Variants in SMPD4 observed in about 807,000 individuals in gnomAD.
The protein encoded by SMPD4 is neutral sphingomyelinase 3.
In SMPD4, 58 loss-of-function variants were observed where a neutral mutation model predicts 97.8. The observed-to-expected ratio is 0.59, with a 90% CI of 0.48 to 0.74. The LOEUF is 0.74. SMPD4 is among the 30% of genes least tolerant of loss of function. The pLI is 0.00. For synonymous variants in SMPD4, 388 were observed against 450.0 expected (o/e 0.86, Z 1.74); for missense variants, 853 against 1,080.5 (o/e 0.79, Z 2.95).
chr2:130,177,107 C>T (rs199754997), intron 1 of SMPD4, among the ~76,000 whole-genome samples: 1 of 137,072 alleles, frequency 7.3e-6, no homozygotes, highest in African/African-American at 2.6e-5. Flanking sequence ...TAGAGACAGG[C>T]TCTTGCTTGC....
intron 8 of SMPD4, among the ~76,000 whole-genome samples, chr2:130,168,089 C>A (rs1192379248): frequency 6.6e-6 from 1 of 152,184 alleles, no homozygotes; most frequent in African/African-American, 2.4e-5. Flanking sequence ...GCCTGTAGTC[C>A]TAGCTACTTA....
At chr2:130,165,817 T>C (rs781348421) in intron 9 of SMPD4, among the ~76,000 whole-genome samples, 1 of 152,164 alleles carries the variant, frequency 6.6e-6, no homozygotes, top group Non-Finnish European at 1.5e-5. Flanking sequence ...AATCCTTTCC[T>C]GCTGGGCCTC....
At chr2:130,155,913 G>A in intron 14 of SMPD4, 122 bp downstream of exon 14, 1 of 923,838 alleles carries the variant, frequency 1.1e-6, no homozygotes, top group Non-Finnish European at 1.7e-6. Context: ...AGGACTTCAG[G>A]AGGCCACGGG....
In SMPD4 at chr2:130,175,071, G is replaced by A. The variant is rs910041878; in HGVS notation, c.40-71C>T. The A allele has an allele frequency of 5.5e-6, 6 of 1,084,908 alleles. No individual in the cohort carries two copies. The African/African-American group carries it at 6.2e-5, about 11-fold the overall frequency. 67.2% of individuals were successfully genotyped at this position (1,084,908 alleles called of 1,614,324 possible). Reference sequence around the variant, plus strand: ...GCAGCTTTTAGTGGCACTCTGGCTTGAGTCAAACAGAAATCCAAGCAATAG... The same window carrying A: ...GCAGCTTTTAGTGGCACTCTGGCTTAAGTCAAACAGAAATCCAAGCAATAG... On this transcript the variant is annotated intron_variant, in intron 2 of 19. Transcript: ENST00000680298.
Position 130,176,562 on chromosome 2 carries a change from A to G in SMPD4, c.31T>C (p.Phe11Leu), listed in dbSNP as rs774988786. ...AAGCAGTTGATATTTACCAGTAGAA[A>G]GCTGGGCTGCTGCAGGTGAGGGAAC... MAFPHLQQPSFLLASLKADSI... is the reference protein window; with the variant it reads MAFPHLQQPSLLLASLKADSI... The change falls in exon 2 of 20, where the codon TTT (phenylalanine) becomes CTT (leucine). Residue 11 changes from phenylalanine (F) to leucine (L), a missense_variant. By Grantham distance (22) the Phe-to-Leu change is conservative (BLOSUM62 0). Around this residue, in one of 3 missense-constraint regions of SMPD4, gnomAD observed 313 missense variants for 402.2 expected, o/e 0.78. Coordinates refer to ENST00000680298, the MANE Select transcript of SMPD4 (RefSeq NM_017951.5). 13 of 1,612,514 alleles carry G rather than the reference A, an allele frequency of 8.1e-6. No individual in the cohort carries two copies. In the South Asian group the frequency reaches 1.3e-4, roughly 16 times the overall value.
chr2:130,160,681 A>AC (rs55882196), intron 11 of SMPD4, among the ~76,000 whole-genome samples: 59,850 of 151,028 alleles, frequency 0.4, 12,056 homozygotes, highest in East Asian at 0.46. Flanking sequence ...GGTCCTTCCC[A>AC]CCCCCTGCCT....
chr2:130,175,258 G>A (rs1688865332), intron 2 of SMPD4, among the ~76,000 whole-genome samples: 1 of 152,158 alleles, frequency 6.6e-6, no homozygotes, highest in Non-Finnish European at 1.5e-5. Flanking sequence ...CACATGATCA[G>A]AACAGGATTG....
At chr2:130,166,431 C>T (rs1687935322) in intron 9 of SMPD4, among the ~76,000 whole-genome samples, 1 of 152,068 alleles carries the variant, frequency 6.6e-6, no homozygotes, top group Admixed American at 6.6e-5. Context: ...AGCCTACGGT[C>T]CACACAGCCA....
At chr2:130,168,614 G>C (rs1485835697) in intron 8 of SMPD4, among the ~76,000 whole-genome samples, 2 of 151,744 alleles carry the variant, frequency 1.3e-5, no homozygotes, top group Non-Finnish European at 2.9e-5. Flanking sequence ...CAACCTCCTA[G>C]ACTTAGGCCT....
chr2:130,155,855 G>C (rs1686729588), intron 14 of SMPD4, among the ~76,000 whole-genome samples, 180 bp downstream of exon 14: 1 of 152,146 alleles, frequency 6.6e-6, no homozygotes, highest in Non-Finnish European at 1.5e-5. Flanking sequence ...TGGCAAAGTT[G>C]AGCCTAGGAA....
At chr2:130,160,839 T>C (rs558019039) in intron 11 of SMPD4, among the ~76,000 whole-genome samples, 1 of 152,292 alleles carries the variant, frequency 6.6e-6, no homozygotes, top group Admixed American at 6.5e-5. Flanking sequence ...ACCCAGCCAC[T>C]GCTGAGGCCT....
At chr2:130,155,934 A>T in intron 14 of SMPD4, 101 bp downstream of exon 14, 1 of 1,235,556 alleles carries the variant, frequency 8.1e-7, no homozygotes. Context: ...GGCCAGGGCC[A>T]GGCTGACCCC....
At position 130,152,033 on chromosome 2, in the gene SMPD4, C is replaced by T. The variant is rs1389730999; in HGVS notation, c.*522G>A. ...AAGAACGCCCCTCACAGTGAAGAATCAGGACAGCCACTCTCTGGTTTTCTC... is the reference window on the plus strand; with the variant it reads ...AAGAACGCCCCTCACAGTGAAGAATTAGGACAGCCACTCTCTGGTTTTCTC... On this transcript the variant is annotated 3_prime_UTR_variant, in exon 20 of 20. Transcript: ENST00000680298. 1.3e-5 allele frequency: 2 copies of T among 154,060 alleles called. No homozygotes were observed. The highest frequency in any genetic ancestry group is 1.3e-4 in the Admixed American group (2 of 15,482). 9.5% of individuals were successfully genotyped at this position (154,060 alleles called of 1,614,324 possible). A position where few individuals can be genotyped will look rare whatever the true frequency, so the allele number is the denominator to read the frequency against.
intron 18 of SMPD4, 25 bp downstream of exon 18, chr2:130,153,294 C>A: frequency 6.2e-7 from 1 of 1,613,378 alleles, no homozygotes; most frequent in South Asian, 1.1e-5. Flanking sequence ...CCAGCCTGTG[C>A]GCCTCTGAGA....
chr2:130,157,080 G>A (rs893575683), intron 12 of SMPD4, among the ~76,000 whole-genome samples, 171 bp downstream of exon 12: 4 of 152,072 alleles, frequency 2.6e-5, no homozygotes, highest in Admixed American at 1.3e-4. Context: ...CCAACTGGGC[G>A]GGGTGAGAGG....
chr2:130,159,063 C>T (rs1392235721), intron 11 of SMPD4, among the ~76,000 whole-genome samples: 1 of 152,002 alleles, frequency 6.6e-6, no homozygotes, highest in Non-Finnish European at 1.5e-5. Flanking sequence ...GTCGTGGTCT[C>T]GGCTCACTGC....
At chr2:130,181,486 C>G in intron 1 of SMPD4, 44 bp downstream of exon 1, 3 of 1,566,868 alleles carry the variant, frequency 1.9e-6, no homozygotes, top group Non-Finnish European at 2.6e-6. Flanking sequence ...GGGGAAGCCC[C>G]CAGGGCGCCG....
At chr2:130,158,406 C>A (rs1484880555) in intron 11 of SMPD4, 6 of 345,564 alleles carry the variant, frequency 1.7e-5, no homozygotes, top group Non-Finnish European at 3.1e-5. Context: ...CAACCTCCGC[C>A]TCCAGGTTCA....
At chr2:130,176,276 C>G (rs949298465) in intron 2 of SMPD4, among the ~76,000 whole-genome samples, 6 of 152,218 alleles carry the variant, frequency 3.9e-5, no homozygotes, top group African/African-American at 1.2e-4. Context: ...ATACATCCTT[C>G]TCACTTGCTC....
Sources: gnomAD v4.1 joint callset for allele counts (sites outside exome capture counted in the v4.1 genomes callset) on GRCh38, gnomAD v4.1.1 for gene constraint, gnomAD v4.1.1 regional missense constraint, MANE v1.5 for transcripts, NCBI Gene and HGNC (gene_info 2026-07-23, HGNC 2026-07-21) for gene names.